Variants in PPP3CA observed in about 807,000 individuals in gnomAD.
The protein encoded by PPP3CA is CAM-PRP catalytic subunit.
In PPP3CA, 14 loss-of-function variants were observed where a neutral mutation model predicts 66.5. The ratio of observed to expected loss-of-function variants is 0.21; its 90% CI spans 0.14 to 0.33. The LOEUF (loss-of-function observed/expected upper bound fraction) is 0.33. Ranked by LOEUF, PPP3CA falls within the 10% of genes least tolerant of loss-of-function variation. PPP3CA has a pLI of 1.00. For synonymous variants in PPP3CA, 232 were observed against 226.2 expected, an observed-to-expected ratio of 1.03 and a Z score of -0.23; for missense variants, 317 against 639.5, an observed-to-expected ratio of 0.50 and a Z score of 5.44.
intron 2 of PPP3CA, among the ~76,000 whole-genome samples, chr4:101,190,076 T>C (rs146954484): frequency 1.3e-5 from 2 of 152,184 alleles, no homozygotes; most frequent in East Asian, 1.9e-4. Context: ...AATATGAGTA[T>C]TACCTGGGTA....
At chr4:101,294,784 C>G (rs1049916101) in intron 1 of PPP3CA, among the ~76,000 whole-genome samples, 2 of 151,554 alleles carry the variant, frequency 1.3e-5, no homozygotes, top group African/African-American at 4.9e-5. Context: ...CACTAGATAC[C>G]AGCACTCTCT....
At chr4:101,312,480 A>G (rs1264995999) in intron 1 of PPP3CA, among the ~76,000 whole-genome samples, 1 of 152,050 alleles carries the variant, frequency 6.6e-6, no homozygotes, top group Non-Finnish European at 1.5e-5. Flanking sequence ...AAGAATAAAA[A>G]GCAAATAAAT....
intron 2 of PPP3CA, among the ~76,000 whole-genome samples, chr4:101,161,111 A>G (rs1279386732): frequency 6.6e-6 from 1 of 152,116 alleles, no homozygotes; most frequent in Non-Finnish European, 1.5e-5. Flanking sequence ...TGTTACAATT[A>G]CCTACAATAT....
chr4:101,102,279 A>C (rs79708597), intron 3 of PPP3CA, among the ~76,000 whole-genome samples: 2,862 of 145,326 alleles, frequency 0.02, 94 homozygotes, highest in African/African-American at 0.067. Flanking sequence ...GGAGGGAGGA[A>C]GGGAGGGAGA....
chr4:101,128,715 C>A (rs1461687386), intron 2 of PPP3CA, among the ~76,000 whole-genome samples: 3 of 152,046 alleles, frequency 2.0e-5, no homozygotes, highest in Non-Finnish European at 4.4e-5. Flanking sequence ...GCTCTCCGGC[C>A]CAGATACTAC....
At chr4:101,133,887 C>G (rs970105567) in intron 2 of PPP3CA, among the ~76,000 whole-genome samples, 3 of 152,040 alleles carry the variant, frequency 2.0e-5, no homozygotes, top group Non-Finnish European at 4.4e-5. Flanking sequence ...GGTACTGGTA[C>G]CAAAACAGAT....
chr4:101,170,004 A>G (rs1215928515), intron 2 of PPP3CA, among the ~76,000 whole-genome samples: 5 of 152,172 alleles, frequency 3.3e-5, no homozygotes, highest in Admixed American at 2.0e-4. Context: ...GCTAACAATT[A>G]TGGAAATTTC....
chr4:101,176,703 A>G (rs1470385904), intron 2 of PPP3CA, among the ~76,000 whole-genome samples: 1 of 152,214 alleles, frequency 6.6e-6, no homozygotes, highest in Non-Finnish European at 1.5e-5. Flanking sequence ...CTAACCCTTG[A>G]GAACAATCAA....
In PPP3CA at chr4:101,025,998, C is replaced by T. The variant is rs368195162; in HGVS notation, c.1433G>A (p.Arg478Gln). Residue 478 changes from arginine to glutamine, a missense_variant, in exon 14 of 14, where the codon CGA becomes CAA. Physicochemically the swap from Arg to Gln is conservative, Grantham distance 43 (BLOSUM62 1). This residue lies in a region of PPP3CA where 201 missense variants were observed against 501.4 expected (regional missense o/e 0.40). Transcript: ENST00000394854. Reference sequence around the variant, plus strand: ...GCGAGGCGGCATCCTCTCATTAATTCGGTCTAAGCCCTTGGCTTCCTCGAA... The same window carrying T: ...GCGAGGCGGCATCCTCTCATTAATTTGGTCTAAGCCCTTGGCTTCCTCGAA... ...TSFEEAKGLD[R>Q]INERMPPRRD... is the part of the protein sequence containing the mutation. 4 of 1,613,590 alleles carry T rather than the reference C, an allele frequency of 2.5e-6. No individual in the cohort carries two copies. Among genetic ancestry groups the T allele is most frequent in the Non-Finnish European group, 3.4e-6 (4 of 1,179,852 alleles).
At position 101,024,171 on chromosome 4, in the gene PPP3CA, G is replaced by C. The variant is rs1433537560; in HGVS notation, c.*1694C>G. The C allele has an allele frequency of 6.6e-6, 1 of 152,158 alleles. No homozygotes were observed. Among genetic ancestry groups the C allele is most frequent in the East Asian group, 1.9e-4 (1 of 5,198 alleles). 9.4% of individuals were successfully genotyped at this position (152,158 alleles called of 1,614,324 possible). ...AAATCCACCAAGATTCTTTCTTACA[G>C]TGGAAGTAGGCACCACCCCTCAGAT... is the stretch of plus-strand genomic sequence containing the variant. On this transcript the variant is annotated 3_prime_UTR_variant, in exon 14 of 14. Coordinates refer to ENST00000394854, the MANE Select transcript of PPP3CA (RefSeq NM_000944.5).
chr4:101,182,653 T>C (rs145136812), intron 2 of PPP3CA, among the ~76,000 whole-genome samples: 2 of 152,202 alleles, frequency 1.3e-5, no homozygotes, highest in East Asian at 3.9e-4. Flanking sequence ...GTAGGATACA[T>C]AGGTAACAAT....
intron 1 of PPP3CA, among the ~76,000 whole-genome samples, chr4:101,291,427 C>T (rs1728023394): frequency 6.6e-6 from 1 of 152,080 alleles, no homozygotes; most frequent in African/African-American, 2.4e-5. Context: ...TCACTATGTC[C>T]TTGTTCCAGC....
At chr4:101,028,329 T>TAAC (rs2110202110) in intron 13 of PPP3CA, among the ~76,000 whole-genome samples, 1 of 152,318 alleles carries the variant, frequency 6.6e-6, no homozygotes, top group South Asian at 2.1e-4. Context: ...AGTTCTCTTA[T>TAAC]AACTATATAT....
At chr4:101,316,649 G>C (rs1174457885) in intron 1 of PPP3CA, among the ~76,000 whole-genome samples, 2 of 152,160 alleles carry the variant, frequency 1.3e-5, no homozygotes, top group African/African-American at 4.8e-5. Context: ...TAGCCAAATA[G>C]AGAATCCAGA....
chr4:101,232,152 C>T (rs926243714), intron 1 of PPP3CA, among the ~76,000 whole-genome samples: 1 of 151,468 alleles, frequency 6.6e-6, no homozygotes, highest in Admixed American at 6.6e-5. Context: ...ACACTGATAC[C>T]TAATTTAATC....
intron 2 of PPP3CA, among the ~76,000 whole-genome samples, chr4:101,111,637 C>T (rs1046781781): frequency 6.6e-6 from 1 of 152,142 alleles, no homozygotes; most frequent in Non-Finnish European, 1.5e-5. Context: ...TGGATCCACA[C>T]TACCGAGGCT....
chr4:101,231,939 C>T (rs1188426692), intron 1 of PPP3CA, among the ~76,000 whole-genome samples: 2 of 151,638 alleles, frequency 1.3e-5, no homozygotes, highest in African/African-American at 4.8e-5. Flanking sequence ...TCCCTGTGAA[C>T]TCCCACTGAA....
At chr4:101,302,607 C>T (rs7662718) in intron 1 of PPP3CA, among the ~76,000 whole-genome samples, 247 of 152,242 alleles carry the variant, frequency 1.6e-3, no homozygotes, top group African/African-American at 5.5e-3. Flanking sequence ...CTCAGCTTAC[C>T]GCAACCTCCG....
chr4:101,123,225 C>T (rs1350816481), intron 2 of PPP3CA, among the ~76,000 whole-genome samples: 1 of 151,630 alleles, frequency 6.6e-6, no homozygotes. Flanking sequence ...ATTCCTAGGG[C>T]CTAGGATAGT....
Sources: allele counts gnomAD v4.1 joint callset (sites outside exome capture counted in the v4.1 genomes callset), GRCh38; gene constraint gnomAD v4.1.1; regional missense constraint gnomAD v4.1.1; transcripts MANE v1.5; gene names NCBI Gene and HGNC (gene_info 2026-07-23, HGNC 2026-07-21).